MYO5A: variants seen among roughly 807,000 people sequenced by gnomAD.
MYO5A encodes myosin VA, also known as unconventional myosin-Va.
Under a neutral mutation model 249.7 loss-of-function variants are expected in MYO5A, and 98 were observed. The ratio of observed to expected loss-of-function variants is 0.39; its 90% CI spans 0.33 to 0.46. The LOEUF is 0.46. Ranked by LOEUF, MYO5A falls within the 20% of genes least tolerant of loss-of-function variation. The probability of loss-of-function intolerance (pLI) is 0.98; values close to 1 mark genes in which losing one functional copy is unlikely to be tolerated. For missense variants in MYO5A, 1,696 were observed against 2,308.8 expected, an observed-to-expected ratio of 0.73 and a Z score of 5.44; for synonymous variants, 778 against 810.6, an observed-to-expected ratio of 0.96 and a Z score of 0.68.
intron 1 of MYO5A, among the ~76,000 whole-genome samples, chr15:52,485,257 TG>T (rs1336417669): frequency 8.1e-6 from 1 of 123,894 alleles, no homozygotes; most frequent in Non-Finnish European, 1.6e-5. Context: ...GAATTCACTA[TG>T]TAAAAAAAAA....
intron 1 of MYO5A, among the ~76,000 whole-genome samples, chr15:52,465,186 G>A (rs946131027): frequency 2.2e-4 from 33 of 152,194 alleles, no homozygotes; most frequent in African/African-American, 7.7e-4. Context: ...AGGCCATCTT[G>A]CTGCTGGCTG....
intron 1 of MYO5A, chr15:52,505,758 T>C: frequency 6.6e-7 from 1 of 1,504,062 alleles, no homozygotes; most frequent in Non-Finnish European, 9.1e-7. Context: ...AAATACAGTG[T>C]GTAGTTGAGG....
At chr15:52,415,290 C>G (rs974001777) in intron 5 of MYO5A, among the ~76,000 whole-genome samples, 1 of 152,174 alleles carries the variant, frequency 6.6e-6, no homozygotes, top group African/African-American at 2.4e-5. Context: ...AAATTAATTT[C>G]TCTCCATTTA....
chr15:52,403,248 A>G (rs1039026138), intron 9 of MYO5A, among the ~76,000 whole-genome samples: 4 of 152,226 alleles, frequency 2.6e-5, no homozygotes, highest in Non-Finnish European at 5.9e-5. Context: ...TTCTTTTTAA[A>G]AAATCCAGTT....
chr15:52,473,437 G>C (rs888113372), intron 1 of MYO5A, among the ~76,000 whole-genome samples: 3 of 152,192 alleles, frequency 2.0e-5, no homozygotes, highest in African/African-American at 7.2e-5. Flanking sequence ...TGTTGCCATT[G>C]CTTTTGGTGT....
Position 52,319,209 on chromosome 15 carries a change from G to A in MYO5A, c.5085C>T (p.Ser1695=), listed in dbSNP as rs1275983902. Residue 1695 remains serine, a synonymous_variant, in exon 39 of 42, where the codon TCC becomes TCT. Coordinates refer to ENST00000399233, the MANE Select transcript of MYO5A (RefSeq NM_001382347.1). ...TLDSILRQLN[S]FHSVMCQHGM... Reference sequence around the variant, plus strand: ...CATGCTGACACATGACCGAGTGGAAGGAGTTGAGCTGCCGGAGGATGGAGT... The same window carrying A: ...CATGCTGACACATGACCGAGTGGAAAGAGTTGAGCTGCCGGAGGATGGAGT... 2 of 1,614,234 alleles carry A rather than the reference G, an allele frequency of 1.2e-6. No individual in the cohort carries two copies. Among genetic ancestry groups the A allele is most frequent in the East Asian group, 2.2e-5 (1 of 44,890 alleles).
Position 52,513,723 on chromosome 15 carries a change from G to A in MYO5A, c.27+15057C>T, listed in dbSNP as rs943477942. On this transcript the variant is annotated intron_variant, in intron 1 of 41. Transcript: ENST00000399233. Reference sequence around the variant, plus strand: ...AGGGATTATAGGCATGAGCCACTGCGCCCGGCCAAGAATAAGTTAATTCTA... The same window carrying A: ...AGGGATTATAGGCATGAGCCACTGCACCCGGCCAAGAATAAGTTAATTCTA... 5.3e-5 allele frequency among the ~76,000 whole-genome samples: 8 copies of A among 152,116 alleles called. No homozygotes were observed. In the East Asian group the frequency reaches 1.2e-3, roughly 22 times the overall value.
chr15:52,378,539 A>G (rs2041559500), intron 18 of MYO5A, among the ~76,000 whole-genome samples: 1 of 136,294 alleles, frequency 7.3e-6, no homozygotes, highest in African/African-American at 2.7e-5. Context: ...AAAGAAGGGA[A>G]TTGGGGCAAA....
At chr15:52,314,579 T>C (rs906943459) in intron 40 of MYO5A, among the ~76,000 whole-genome samples, 4 of 152,254 alleles carry the variant, frequency 2.6e-5, no homozygotes, top group Admixed American at 1.3e-4. Flanking sequence ...TCATTTTATT[T>C]TTATACAAAT....
In MYO5A at chr15:52,321,308, T is replaced by C. The variant is rs150465174; in HGVS notation, c.4951+51A>G. 6,157 of 1,611,370 alleles carry C rather than the reference T, an allele frequency of 3.8e-3. 16 individuals carry two copies. Among genetic ancestry groups the C allele is most frequent in the Non-Finnish European group, 4.9e-3 (5,775 of 1,177,910 alleles). ...TGTGCCACTGGTGGCTACTTATCGA[T>C]GGGCATGAATGATAGGCAGGCTGCA... On this transcript the variant is annotated intron_variant, in intron 38 of 41. Coordinates refer to ENST00000399233, the MANE Select transcript of MYO5A (RefSeq NM_001382347.1).
chr15:52,322,752 A>G (rs1354553309), intron 37 of MYO5A, among the ~76,000 whole-genome samples: 1 of 151,240 alleles, frequency 6.6e-6, no homozygotes, highest in Non-Finnish European at 1.5e-5. Flanking sequence ...GAAAGACATG[A>G]TTTTTGATCA....
At chr15:52,413,864 G>C (rs1202165733) in intron 5 of MYO5A, among the ~76,000 whole-genome samples, 1 of 152,154 alleles carries the variant, frequency 6.6e-6, no homozygotes, top group African/African-American at 2.4e-5. Flanking sequence ...GGTGAGCATA[G>C]CTGATCCCTT....
chr15:52,405,012 T>C (rs1303276491), intron 9 of MYO5A, among the ~76,000 whole-genome samples: 1 of 150,534 alleles, frequency 6.6e-6, no homozygotes, highest in Non-Finnish European at 1.5e-5. Flanking sequence ...TAGTCACTAA[T>C]CTCATCTATC....
intron 38 of MYO5A, among the ~76,000 whole-genome samples, chr15:52,319,558 C>T (rs553534087): frequency 9.9e-5 from 15 of 152,214 alleles, no homozygotes; most frequent in Admixed American, 7.9e-4. Context: ...TAAGGAAACC[C>T]CGTCTCTATT....
chr15:52,510,836 C>T (rs1403489942), intron 1 of MYO5A, among the ~76,000 whole-genome samples: 4 of 152,206 alleles, frequency 2.6e-5, no homozygotes, highest in African/African-American at 9.7e-5. Context: ...TATAGAATGG[C>T]ACAGATTACA....
intron 24 of MYO5A, among the ~76,000 whole-genome samples, chr15:52,361,926 C>T (rs10518683): frequency 0.12 from 18,904 of 152,154 alleles, 2,450 homozygotes; most frequent in African/African-American, 0.33. Context: ...TCAAGACTAA[C>T]GACCCCATGA....
chr15:52,432,283 G>A (rs567168831), intron 2 of MYO5A, among the ~76,000 whole-genome samples: 1 of 152,302 alleles, frequency 6.6e-6, no homozygotes, highest in East Asian at 1.9e-4. Context: ...AATATTAGCA[G>A]GAAAAGTTTA....
At chr15:52,414,960 C>A (rs548503386) in intron 5 of MYO5A, among the ~76,000 whole-genome samples, 1 of 152,268 alleles carries the variant, frequency 6.6e-6, no homozygotes, top group African/African-American at 2.4e-5. Flanking sequence ...CATAGCACAT[C>A]CAGCCCATGA....
chr15:52,336,146 A>T (rs1195482725), intron 34 of MYO5A, among the ~76,000 whole-genome samples: 4 of 152,248 alleles, frequency 2.6e-5, no homozygotes, highest in Admixed American at 6.5e-5. Flanking sequence ...ATTTGAACCC[A>T]AGAAGCTTGA....
Sources: allele counts gnomAD v4.1 joint callset (sites outside exome capture counted in the v4.1 genomes callset), GRCh38; gene constraint gnomAD v4.1.1; transcripts MANE v1.5; gene names NCBI Gene and HGNC (gene_info 2026-07-23, HGNC 2026-07-21).